SPTAN1: variants seen among roughly 807,000 people sequenced by gnomAD.
The protein encoded by SPTAN1 is spectrin alpha, non-erythrocytic 1.
In SPTAN1, 61 loss-of-function variants were observed where a neutral mutation model predicts 331.3. The observed-to-expected ratio is 0.18, with a 90% CI of 0.15 to 0.23. The LOEUF is 0.23. Among genes scored for constraint, SPTAN1 ranks in the 10% least tolerant of loss-of-function variants. SPTAN1 has a pLI of 1.00. For synonymous variants in SPTAN1, 1,153 were observed against 1,173.9 expected (o/e 0.98, Z 0.36); for missense variants, 2,043 against 3,147.9 (o/e 0.65, Z 8.40).
rs200475859 is a variant in SPTAN1, at chr9:128,584,615, G to A, written c.2437+90G>A. Reference sequence around the variant, plus strand: ...GATGCATGTCAGGATGGGCAGGGTCGAATTTAAATTATTGAACTGGAACCA... The same window carrying A: ...GATGCATGTCAGGATGGGCAGGGTCAAATTTAAATTATTGAACTGGAACCA... On this transcript the variant is annotated intron_variant, in intron 17 of 56. Coordinates refer to ENST00000372739, the MANE Select transcript of SPTAN1 (RefSeq NM_001130438.3). 1.5e-5 allele frequency: 25 copies of A among 1,613,848 alleles called. No homozygotes were observed. In the East Asian group the frequency reaches 3.3e-4, roughly 22 times the overall value.
At chr9:128,555,335 C>G in intron 1 of SPTAN1, 1 of 1,287,802 alleles carries the variant, frequency 7.8e-7, no homozygotes, top group Non-Finnish European at 1.0e-6. Flanking sequence ...TTGCTCTTCC[C>G]CCTCCCTCTT....
intron 49 of SPTAN1, chr9:128,626,892 G>A (rs943840738): frequency 4.5e-6 from 3 of 665,910 alleles, no homozygotes; most frequent in Non-Finnish European, 5.3e-6. Flanking sequence ...ATGGCTCCCT[G>A]TAGCCTCAAC....
At chr9:128,630,646 A>C (rs932886641) in intron 52 of SPTAN1, 5 of 432,116 alleles carry the variant, frequency 1.2e-5, no homozygotes, top group African/African-American at 1.0e-4. Context: ...CTCCTGCCTC[A>C]GCCTCCCAAA....
chr9:128,581,750 A>C (rs1438366800), intron 11 of SPTAN1, 32 bp from the exon 12 acceptor site: 2 of 1,540,026 alleles, frequency 1.3e-6, no homozygotes, highest in Non-Finnish European at 1.8e-6. Flanking sequence ...GGAATAGGAC[A>C]TTATTCTGAA....
chr9:128,605,315 C>G lies in SPTAN1; in HGVS notation c.3884C>G (p.Thr1295Arg). 1 of 1,614,196 alleles carries G rather than the reference C, an allele frequency of 6.2e-7. No homozygotes were observed. ...CCATAGGTAAACTCCCTTGGTGAAA[C>G]AGCAGAGCGCCTGATCCAGTCCCAT... ...LGDKVNSLGETAERLIQSHPE... is the reference protein window; with the variant it reads ...LGDKVNSLGERAERLIQSHPE... The change falls in exon 31 of 57, where the codon ACA becomes AGA. Residue 1295 changes from threonine to arginine, a missense_variant. Thr to Arg is a moderately conservative substitution (Grantham distance 71). This residue lies in a region of SPTAN1 where 42 missense variants were observed against 106.0 expected (regional missense o/e 0.40). Transcript: ENST00000372739.
chr9:128,591,475 A>C lies in SPTAN1; in HGVS notation c.3007-2A>C. ...TTTCAGTTCTCCCTCTTTTTTCCTTAGGATTGGTGGAAAGTGGAAGTGAAC... is the reference window on the plus strand; with the variant it reads ...TTTCAGTTCTCCCTCTTTTTTCCTTCGGATTGGTGGAAAGTGGAAGTGAAC... On this transcript the variant is annotated splice_acceptor_variant, in intron 21 of 56. Transcript: ENST00000372739. LOFTEE classifies it high-confidence loss of function. 6.2e-7 allele frequency: 1 copy of C among 1,613,706 alleles called. No individual in the cohort carries two copies. The highest frequency in any genetic ancestry group is 8.5e-7 in the Non-Finnish European group (1 of 1,179,926).
Position 128,586,466 on chromosome 9 carries a change from T to C in SPTAN1, c.2778+501T>C, listed in dbSNP as rs530405234. Among the ~76,000 whole-genome samples, 4 of 152,182 alleles carry C rather than the reference T, an allele frequency of 2.6e-5. No homozygotes were observed. In the East Asian group the frequency reaches 5.8e-4, roughly 22 times the overall value. On this transcript the variant is annotated intron_variant, in intron 19 of 56. Coordinates refer to ENST00000372739, the MANE Select transcript of SPTAN1 (RefSeq NM_001130438.3). ...ACTTTTTATTATGAAAATGTAATCATACCTAAAGGAGAGAGAAGATGACTT... is the reference window on the plus strand; with the variant it reads ...ACTTTTTATTATGAAAATGTAATCACACCTAAAGGAGAGAGAAGATGACTT...
intron 27 of SPTAN1, among the ~76,000 whole-genome samples, chr9:128,601,767 C>G (rs1343770136): frequency 6.6e-6 from 1 of 152,220 alleles, no homozygotes; most frequent in African/African-American, 2.4e-5. Context: ...TGAACCCGCT[C>G]AGTCACCTTG....
At chr9:128,609,357 T>C (rs1487478228) in intron 36 of SPTAN1, 73 bp downstream of exon 36, 2 of 1,602,474 alleles carry the variant, frequency 1.2e-6, no homozygotes, top group Non-Finnish European at 1.7e-6. Flanking sequence ...AAATAAAGCA[T>C]TTATAAAACA....
intron 1 of SPTAN1, among the ~76,000 whole-genome samples, chr9:128,561,469 C>T (rs1849336744): frequency 1.3e-5 from 2 of 150,534 alleles, no homozygotes; most frequent in Admixed American, 1.3e-4. Context: ...CGAGACCATC[C>T]TGGCTAATAT....
rs1191830158 is a variant in SPTAN1, at chr9:128,576,970, G to T, written c.785+14G>T. ...GCGCTTTAACAGGTGTCAAGCCAGAGTGGGCTTTGGGGAATGGGTCTCAAC... is the reference window on the plus strand; with the variant it reads ...GCGCTTTAACAGGTGTCAAGCCAGATTGGGCTTTGGGGAATGGGTCTCAAC... On this transcript the variant is annotated intron_variant, in intron 6 of 56. Transcript: ENST00000372739. 1 of 1,614,106 alleles carries T rather than the reference G, an allele frequency of 6.2e-7. No individual in the cohort carries two copies. Among genetic ancestry groups the T allele is most frequent in the Non-Finnish European group, 8.5e-7 (1 of 1,180,044 alleles).
intron 5 of SPTAN1, 54 bp downstream of exon 5, chr9:128,575,399 G>A (rs749166998): frequency 2.1e-5 from 34 of 1,590,914 alleles, no homozygotes; most frequent in Non-Finnish European, 2.9e-5. Flanking sequence ...TAACTTTTTA[G>A]TATATTCAGG....
intron 19 of SPTAN1, 71 bp downstream of exon 19, chr9:128,586,036 GAGA>G (rs921460056): frequency 4.4e-6 from 6 of 1,373,874 alleles, no homozygotes; most frequent in African/African-American, 1.6e-5. Context: ...AGGAAGTTAG[GAGA>G]AGTAGTGATG....
In SPTAN1 at chr9:128,630,201, T is replaced by A. The variant is rs574880089; in HGVS notation, c.6708-120T>A. On this transcript the variant is annotated intron_variant, in intron 51 of 56. Coordinates refer to ENST00000372739, the MANE Select transcript of SPTAN1 (RefSeq NM_001130438.3). ...GTAAAGATGGCCAGTTGCAGTTAGG[T>A]TTGGTTTCCTTAAAAGGAATGTGAG... 2.2e-5 allele frequency: 24 copies of A among 1,082,656 alleles called. No homozygotes were observed. The South Asian group carries it at 2.8e-4, about 12-fold the overall frequency. 67.1% of individuals were successfully genotyped at this position (1,082,656 alleles called of 1,614,324 possible). A position where few individuals can be genotyped will look rare whatever the true frequency, so the allele number is the denominator to read the frequency against.
In SPTAN1 at chr9:128,611,528, C is replaced by G. The variant is rs147314498; in HGVS notation, c.4774-186C>G. 113 of 671,704 alleles carry G rather than the reference C, an allele frequency of 1.7e-4. No individual in the cohort carries two copies. The African/African-American group carries it at 1.9e-3, about 11-fold the overall frequency. The allele number at this position is 671,704 out of a possible 1,614,324, so 41.6% of individuals were successfully genotyped here. A position where few individuals can be genotyped will look rare whatever the true frequency, so the allele number is the denominator to read the frequency against. On this transcript the variant is annotated intron_variant, in intron 37 of 56. Transcript: ENST00000372739. ...GCTAGTACATTTCCTTCCTCCTTTG[C>G]TAACTCCCCAAGAGATGAACCCTAA...
At chr9:128,590,451 C>T (rs1589241132) in intron 21 of SPTAN1, among the ~76,000 whole-genome samples, 1 of 151,666 alleles carries the variant, frequency 6.6e-6, no homozygotes, top group Admixed American at 6.6e-5. Flanking sequence ...CGCCTGTAGT[C>T]CCAGCACTTT....
intron 8 of SPTAN1, 59 bp from the exon 9 acceptor site, chr9:128,578,051 C>A: frequency 6.3e-7 from 1 of 1,598,340 alleles, no homozygotes; most frequent in Non-Finnish European, 8.6e-7. Context: ...TTTAGGGAGG[C>A]CATTTTCCAC....
intron 1 of SPTAN1, among the ~76,000 whole-genome samples, chr9:128,558,571 T>A (rs893368927): frequency 6.6e-6 from 1 of 152,232 alleles, no homozygotes; most frequent in South Asian, 2.1e-4. Context: ...TTAGTGGAAC[T>A]GATAGATAGG....
rs781689993 is a variant in SPTAN1, at chr9:128,587,696, C to T, written c.2869C>T (p.Arg957Trp). 1.2e-6 allele frequency: 2 copies of T among 1,613,756 alleles called. No homozygotes were observed. Among genetic ancestry groups the T allele is most frequent in the African/African-American group, 2.7e-5 (2 of 74,884 alleles). Reference sequence around the variant, plus strand: ...TTTGCGAGAACAAGCACAGTCCTGCCGGGTAAACTTGTAACAGTTTATGGG... The same window carrying T: ...TTTGCGAGAACAAGCACAGTCCTGCTGGGTAAACTTGTAACAGTTTATGGG... ...QALREQAQSC[R>W]QQVAPTDDET... Residue 957 changes from arginine (R) to tryptophan (W), a missense_variant and splice_region_variant, in exon 20 of 57, where the codon CGG becomes TGG. By Grantham distance (101) the Arg-to-Trp change is moderately radical. This residue lies in a region of SPTAN1 where 1,038 missense variants were observed against 1,531.5 expected (regional missense o/e 0.68). Coordinates refer to ENST00000372739, the MANE Select transcript of SPTAN1 (RefSeq NM_001130438.3).
Sources: gnomAD v4.1 joint callset for allele counts (sites outside exome capture counted in the v4.1 genomes callset) on GRCh38, gnomAD v4.1.1 for gene constraint, gnomAD v4.1.1 regional missense constraint, MANE v1.5 for transcripts, NCBI Gene and HGNC (gene_info 2026-07-23, HGNC 2026-07-21) for gene names.